RGPD1: variants seen among roughly 807,000 people sequenced by gnomAD.
RGPD1 encodes RANBP2-like and GRIP domain-containing protein 1.
Under a neutral mutation model 40.6 loss-of-function variants are expected in RGPD1, and 7 were observed. The ratio of observed to expected loss-of-function variants is 0.17; its 90% CI spans 0.10 to 0.32. The LOEUF (loss-of-function observed/expected upper bound fraction) is 0.32. Ranked by LOEUF, RGPD1 falls within the 10% of genes least tolerant of loss-of-function variation. The pLI is 1.00. For missense variants in RGPD1, 50 were observed against 472.5 expected (o/e 0.11, Z 8.29); for synonymous variants, 24 against 167.0 (o/e 0.14, Z 6.60).
chr2:86,931,784 T>C (rs1453600121), intron 1 of RGPD1, among the ~76,000 whole-genome samples: 1 of 149,882 alleles, frequency 6.7e-6, no homozygotes, highest in Non-Finnish European at 1.5e-5. Context: ...TCGATCACAG[T>C]CTATTCATAA....
chr2:86,946,101 ATCC>A (rs1297974994), intron 1 of RGPD1, among the ~76,000 whole-genome samples: 1 of 121,512 alleles, frequency 8.2e-6, no homozygotes, highest in Non-Finnish European at 1.8e-5. Context: ...GGCATAAATG[ATCC>A]TCCTACCTCT....
chr2:86,938,560 A>C (rs1573597756), upstream of RGPD1, among the ~76,000 whole-genome samples: 3 of 151,860 alleles, frequency 2.0e-5, no homozygotes, highest in South Asian at 6.2e-4. Context: ...GTTACCTATC[A>C]AGCAAGCTGA....
At chr2:86,918,161 C>T (rs1414434836) in intron 1 of RGPD1, among the ~76,000 whole-genome samples, 4 of 150,900 alleles carry the variant, frequency 2.7e-5, no homozygotes, top group Non-Finnish European at 5.9e-5. Context: ...AGTACTTTAG[C>T]CGAGTACTAT....
chr2:86,942,331 G>C (rs1472797063), intron 1 of RGPD1, 23 bp downstream of exon 1: 7 of 1,555,852 alleles, frequency 4.5e-6, no homozygotes, highest in African/African-American at 2.7e-5. Flanking sequence ...CGAAGAGACC[G>C]ACGGCCTCGA....
chr2:86,913,983 C>G (rs188315977), intron 1 of RGPD1: 54,233 of 918,386 alleles, frequency 0.059, 8,716 homozygotes, highest in African/African-American at 0.16. Context: ...TCGACCTGGC[C>G]GGGCGGCGGC....
intron 1 of RGPD1, among the ~76,000 whole-genome samples, chr2:86,926,230 C>T (rs1267792821): frequency 2.6e-5 from 4 of 151,362 alleles, no homozygotes; most frequent in East Asian, 3.9e-4. Context: ...TTTTATATTT[C>T]AACTGGATGT....
intron 22 of RGPD1, among the ~76,000 whole-genome samples, chr2:87,009,053 G>A (rs1682155249): frequency 2.0e-5 from 3 of 149,360 alleles, no homozygotes; most frequent in Admixed American, 1.3e-4. Context: ...CGCCTATAAT[G>A]CCAGCAATTT....
At chr2:86,942,019 C>T (rs1006083358), upstream of RGPD1, among the ~76,000 whole-genome samples, 14 of 151,694 alleles carry the variant, frequency 9.2e-5, no homozygotes, top group Admixed American at 6.6e-5. Context: ...GCGGGCAAGA[C>T]ACCCTCAGAG....
intron 1 of RGPD1, among the ~76,000 whole-genome samples, chr2:86,920,136 C>G (rs1239067786): frequency 6.6e-6 from 1 of 151,904 alleles, no homozygotes; most frequent in Non-Finnish European, 1.5e-5. Flanking sequence ...GTGGCGTTAT[C>G]CTGGCTCATT....
At chr2:86,941,074 A>C (rs1331379952), upstream of RGPD1, among the ~76,000 whole-genome samples, 1 of 151,794 alleles carries the variant, frequency 6.6e-6, no homozygotes, top group African/African-American at 2.4e-5. Flanking sequence ...AAAGGATAAA[A>C]AATTATCCAC....
chr2:86,988,459 A>C (rs1448140842), intron 20 of RGPD1, among the ~76,000 whole-genome samples: 1 of 101,396 alleles, frequency 9.9e-6, no homozygotes, highest in African/African-American at 3.5e-5. Context: ...AAAAAAAAAA[A>C]CAAAAAAACA....
At chr2:86,978,187 CGAAGCCA>C (rs1681352247) in intron 17 of RGPD1, among the ~76,000 whole-genome samples, 1 of 105,452 alleles carries the variant, frequency 9.5e-6, no homozygotes, top group Non-Finnish European at 1.9e-5. Context: ...TAGCCTGCCA[CGAAGCCA>C]GGACTACAGA....
intron 1 of RGPD1, among the ~76,000 whole-genome samples, chr2:86,942,782 G>A (rs1042134144): frequency 1.3e-5 from 2 of 151,700 alleles, no homozygotes; most frequent in Non-Finnish European, 2.9e-5. Context: ...CTGTTGAGGC[G>A]CCGGCCGGCT....
At chr2:86,923,266 T>C (rs1678168113) in intron 1 of RGPD1, among the ~76,000 whole-genome samples, 1 of 151,616 alleles carries the variant, frequency 6.6e-6, no homozygotes, top group African/African-American at 2.4e-5. Context: ...CTCCAACTCA[T>C]GACCTCAAGT....
At chr2:86,928,501 GTAAA>G (rs1047345919) in intron 1 of RGPD1, among the ~76,000 whole-genome samples, 101 of 152,190 alleles carry the variant, frequency 6.6e-4, no homozygotes, top group African/African-American at 2.2e-3. Flanking sequence ...GAGTAGTATG[GTAAA>G]TGAGGTAAAT....
Position 86,914,981 on chromosome 2 carries a change from A to C in RGPD1, c.72+1060A>C, listed in dbSNP as rs1427996002. Among the ~76,000 whole-genome samples the C allele has an allele frequency of 2.0e-5, 3 of 147,344 alleles. No individual in the cohort carries two copies. The East Asian group carries it at 6.0e-4, about 30-fold the overall frequency. On this transcript the variant is annotated intron_variant, in intron 1 of 22. Coordinates refer to the RGPD1 transcript ENST00000398193. ...TGGCCTAAGGTACTTCTGTTGGGGA[A>C]TATTGTGCAGTATAATAATATATGG... is the stretch of plus-strand genomic sequence containing the variant.
chr2:86,940,169 GTTAGGTATGGCTATTGTCATCAACACAC>G (rs1406749311), upstream of RGPD1, among the ~76,000 whole-genome samples: 2 of 78,284 alleles, frequency 2.6e-5, no homozygotes, highest in Admixed American at 2.2e-4. Context: ...GCAAGTACTT[GTTAGGTATGGCTATTGTCATCAACACAC>G]TTTTCAAGGC....
At chr2:86,931,383 C>G (rs1678949591) in intron 1 of RGPD1, among the ~76,000 whole-genome samples, 1 of 150,226 alleles carries the variant, frequency 6.7e-6, no homozygotes, top group Admixed American at 6.6e-5. Context: ...AATCTATGTT[C>G]TGGTTTATGT....
upstream of RGPD1, among the ~76,000 whole-genome samples, chr2:86,942,014 CA>C (rs889151755): frequency 2.6e-5 from 4 of 151,640 alleles, no homozygotes; most frequent in African/African-American, 9.7e-5. Context: ...GCCCGGCGGG[CA>C]AGACACCCTC....
Sources: gnomAD v4.1 joint callset for allele counts (sites outside exome capture counted in the v4.1 genomes callset) on GRCh38, gnomAD v4.1.1 for gene constraint, MANE v1.5 for transcripts, NCBI Gene and HGNC (gene_info 2026-07-23, HGNC 2026-07-21) for gene names.